HECW2: variants seen among roughly 807,000 people sequenced by gnomAD.
HECW2 encodes HECT, C2 and WW domain containing E3 ubiquitin protein ligase 2.
HECW2 carries 61 observed loss-of-function variants against 175.2 expected under a neutral mutation model. That is an observed-to-expected ratio of 0.35 (90% CI 0.28 to 0.43). The LOEUF (loss-of-function observed/expected upper bound fraction) is 0.43. Ranked by LOEUF, HECW2 falls within the 20% of genes least tolerant of loss-of-function variation. HECW2 has a pLI of 1.00. For synonymous variants in HECW2, 671 were observed against 731.0 expected, an observed-to-expected ratio of 0.92 and a Z score of 1.32; for missense variants, 1,524 against 2,000.5, an observed-to-expected ratio of 0.76 and a Z score of 4.54.
intron 1 of HECW2, among the ~76,000 whole-genome samples, chr2:196,550,803 T>A (rs1452548825): frequency 2.0e-5 from 3 of 152,224 alleles, no homozygotes; most frequent in Non-Finnish European, 4.4e-5. Flanking sequence ...GGCATCTATT[T>A]AAATAATCTC....
intron 2 of HECW2, among the ~76,000 whole-genome samples, chr2:196,402,332 T>G (rs1694845081): frequency 6.6e-6 from 1 of 152,060 alleles, no homozygotes; most frequent in Non-Finnish European, 1.5e-5. Context: ...TAACAGACCT[T>G]GAGTTTCATT....
chr2:196,482,511 A>G (rs919719257), intron 1 of HECW2, among the ~76,000 whole-genome samples: 5 of 152,186 alleles, frequency 3.3e-5, no homozygotes, highest in African/African-American at 1.2e-4. Context: ...AGCCAGCACC[A>G]TGCCTACAAG....
chr2:196,204,622 TAAGCTGTGCCTG>T (rs1344677911), intron 28 of HECW2, among the ~76,000 whole-genome samples: 1 of 152,212 alleles, frequency 6.6e-6, no homozygotes, highest in Non-Finnish European at 1.5e-5. Context: ...AAGACCCAGC[TAAGCTGTGCCTG>T]GATGCCTGCT....
At chr2:196,577,450 C>T (rs1046235420) in intron 1 of HECW2, among the ~76,000 whole-genome samples, 4 of 151,858 alleles carry the variant, frequency 2.6e-5, no homozygotes, top group Non-Finnish European at 4.4e-5. Flanking sequence ...ATCTATTAGA[C>T]CTGATGTTGG....
intron 1 of HECW2, among the ~76,000 whole-genome samples, chr2:196,491,519 CACACACAT>C (rs1559141033): frequency 1.3e-5 from 2 of 149,966 alleles, no homozygotes; most frequent in Admixed American, 6.7e-5. Context: ...CACACACACA[CACACACAT>C]ATACACACAT....
chr2:196,395,304 G>A (rs1417779490), intron 2 of HECW2, among the ~76,000 whole-genome samples: 3 of 152,104 alleles, frequency 2.0e-5, no homozygotes, highest in East Asian at 1.9e-4. Context: ...ATTTGGCAAT[G>A]ATTTCTTGAA....
At chr2:196,253,808 C>T in intron 19 of HECW2, 112 bp downstream of exon 19, 1 of 955,814 alleles carries the variant, frequency 1.0e-6, no homozygotes, top group Non-Finnish European at 1.6e-6. Flanking sequence ...TGTGCTAACA[C>T]CAAAGATGTA....
At chr2:196,404,713 A>G (rs1331769345) in intron 2 of HECW2, among the ~76,000 whole-genome samples, 3 of 151,472 alleles carry the variant, frequency 2.0e-5, no homozygotes, top group Admixed American at 2.0e-4. Context: ...CTTTTTCTCC[A>G]TTAATCACCC....
intron 1 of HECW2, among the ~76,000 whole-genome samples, chr2:196,514,475 C>A (rs1688074416): frequency 6.6e-6 from 1 of 152,176 alleles, no homozygotes; most frequent in Non-Finnish European, 1.5e-5. Context: ...GGGGTGGGTC[C>A]CTGATGAAGT....
intron 1 of HECW2, among the ~76,000 whole-genome samples, chr2:196,447,036 G>C (rs1696207226): frequency 6.6e-6 from 1 of 152,080 alleles, no homozygotes; most frequent in Non-Finnish European, 1.5e-5. Context: ...GACTCATCTG[G>C]AAGAACCAAA....
chr2:196,464,904 T>C (rs1438369033), intron 1 of HECW2, among the ~76,000 whole-genome samples: 1 of 152,040 alleles, frequency 6.6e-6, no homozygotes, highest in Non-Finnish European at 1.5e-5. Context: ...TAGTCAGGAA[T>C]GGTGGCGCAC....
chr2:196,457,069 C>T (rs759653789), intron 1 of HECW2, among the ~76,000 whole-genome samples: 4 of 152,296 alleles, frequency 2.6e-5, no homozygotes, highest in Non-Finnish European at 1.5e-5. Flanking sequence ...TAGAAAGTAT[C>T]TGGAAAGAAT....
intron 2 of HECW2, among the ~76,000 whole-genome samples, chr2:196,386,798 T>C (rs1392820213): frequency 1.3e-5 from 2 of 152,082 alleles, no homozygotes; most frequent in Non-Finnish European, 2.9e-5. Context: ...GCTAAACAAA[T>C]TCATAAAACA....
chr2:196,385,073 T>C (rs35574314), intron 2 of HECW2, among the ~76,000 whole-genome samples: 88,778 of 151,882 alleles, frequency 0.58, 29,778 homozygotes, highest in East Asian at 0.84. Flanking sequence ...CCAGTTACCA[T>C]GTCCAGCTAA....
intron 23 of HECW2, among the ~76,000 whole-genome samples, chr2:196,224,543 C>T (rs185123205): frequency 3.7e-4 from 57 of 152,122 alleles, no homozygotes; most frequent in South Asian, 8.3e-4. Flanking sequence ...AAAAAGAACC[C>T]GCAAAGTACA....
At chr2:196,213,982 T>C (rs1464042707) in intron 28 of HECW2, among the ~76,000 whole-genome samples, 2 of 152,202 alleles carry the variant, frequency 1.3e-5, no homozygotes, top group Non-Finnish European at 2.9e-5. Flanking sequence ...TTTTAACTCC[T>C]ACCCCTGCCC....
At chr2:196,245,975 A>T (rs1688629002) in intron 19 of HECW2, among the ~76,000 whole-genome samples, 1 of 152,230 alleles carries the variant, frequency 6.6e-6, no homozygotes, top group Admixed American at 6.5e-5. Flanking sequence ...AGTGTTAAAT[A>T]CAACTGTCCA....
At chr2:196,243,630 G>GCCC (rs1688544983) in intron 19 of HECW2, among the ~76,000 whole-genome samples, 1 of 152,054 alleles carries the variant, frequency 6.6e-6, no homozygotes. Flanking sequence ...GCCCAGGCTG[G>GCCC]AGTGCAATGG....
At chr2:196,400,126 T>A (rs1365164118) in intron 2 of HECW2, among the ~76,000 whole-genome samples, 1 of 152,230 alleles carries the variant, frequency 6.6e-6, no homozygotes, top group African/African-American at 2.4e-5. Flanking sequence ...AGCTTCTTCA[T>A]AGGTCTAAGA....
Sources: allele counts gnomAD v4.1 joint callset (sites outside exome capture counted in the v4.1 genomes callset), GRCh38; gene constraint gnomAD v4.1.1; transcripts MANE v1.5; gene names NCBI Gene and HGNC (gene_info 2026-07-23, HGNC 2026-07-21).